The following ZC3H12B variants were observed in gnomAD, a reference collection of about 807,000 sequenced individuals.
ZC3H12B encodes the protein zinc finger CCCH-type containing 12B.
ZC3H12B carries 7 observed loss-of-function variants against 43.9 expected under a neutral mutation model. The ratio of observed to expected loss-of-function variants is 0.16; its 90% CI spans 0.09 to 0.30. The LOEUF (loss-of-function observed/expected upper bound fraction) is 0.30, where lower values mean the gene tolerates loss of function less well. ZC3H12B is among the 10% of genes least tolerant of loss of function. ZC3H12B has a pLI of 1.00. For missense variants in ZC3H12B, 475 were observed against 670.2 expected (o/e 0.71, Z 3.22); for synonymous variants, 222 against 241.7 (o/e 0.92, Z 0.76).
At chrX:65,104,110 C>A in the ZC3H12B span, among the ~76,000 whole-genome samples, 2 of 111,108 alleles carry the variant, frequency 1.8e-5, no homozygotes, top group South Asian at 7.6e-4. Context: ...TCAGAAATAA[C>A]ACCACACGTC....
chrX:65,218,915 C>T, the ZC3H12B span, among the ~76,000 whole-genome samples: 1 of 111,995 alleles, frequency 8.9e-6, no homozygotes, highest in Non-Finnish European at 1.9e-5. Flanking sequence ...CTCACAGAGT[C>T]CACTTCACTC....
chrX:65,267,286 C>T, the ZC3H12B span, among the ~76,000 whole-genome samples: 1 of 106,486 alleles, frequency 9.4e-6, no homozygotes, highest in African/African-American at 3.5e-5. Flanking sequence ...ACAGTATTCA[C>T]TGGCTACACA....
At chrX:65,092,624 G>T in the ZC3H12B span, among the ~76,000 whole-genome samples, 1 of 111,596 alleles carries the variant, frequency 9.0e-6, no homozygotes, top group Non-Finnish European at 1.9e-5. Context: ...TTTGAGCTTG[G>T]GAATGATGAT....
rs1433778197 is a variant in ZC3H12B at position 65,504,245 on chromosome X, T to C, written c.*1036T>C. 6 of 112,123 alleles carry C rather than the reference T, an allele frequency of 5.4e-5. No individual in the cohort carries two copies. The East Asian group carries it at 1.7e-3, about 32-fold the overall frequency. 9.2% of individuals were successfully genotyped at this position (112,123 alleles called of 1,213,427 possible). ...CTCTGTATAACCTTTTATATAGTGA[T>C]AATGAGAGGGTAGGCTCTACACAGT... On this transcript the variant is annotated 3_prime_UTR_variant, in exon 5 of 5. Transcript: ENST00000338957.
chrX:65,167,728 G>A, the ZC3H12B span, among the ~76,000 whole-genome samples: 5 of 111,764 alleles, frequency 4.5e-5, no homozygotes, highest in Non-Finnish European at 9.4e-5. Flanking sequence ...GCAGTGGTTT[G>A]TAGTTCTCCT....
At chrX:65,116,752 T>C in the ZC3H12B span, among the ~76,000 whole-genome samples, 1 of 109,607 alleles carries the variant, frequency 9.1e-6, no homozygotes, top group African/African-American at 3.3e-5. Context: ...TGTGTGATGT[T>C]CCCCACCCTG....
chrX:65,430,904 C>T (rs1043502405), intron 3 of ZC3H12B, among the ~76,000 whole-genome samples: 3 of 111,116 alleles, frequency 2.7e-5, no homozygotes, highest in Admixed American at 9.6e-5. Context: ...CCTAATCAGT[C>T]CCAATGCAAG....
the ZC3H12B span, among the ~76,000 whole-genome samples, chrX:65,350,526 G>C: frequency 1.8e-5 from 2 of 111,827 alleles, no homozygotes; most frequent in African/African-American, 6.5e-5. Flanking sequence ...AGGAAGAGAG[G>C]AAGTCAAATT....
At chrX:65,346,101 A>T in the ZC3H12B span, among the ~76,000 whole-genome samples, 1 of 111,633 alleles carries the variant, frequency 9.0e-6, no homozygotes, top group South Asian at 3.7e-4. Context: ...GTCATTTTTC[A>T]CAGAATAGAA....
chrX:65,312,286 G>A, the ZC3H12B span, among the ~76,000 whole-genome samples: 1 of 111,855 alleles, frequency 8.9e-6, no homozygotes, highest in Non-Finnish European at 1.9e-5. Context: ...GGAATGGTGA[G>A]TTGCATAAAG....
In ZC3H12B at chrX:65,372,426, G is replaced by A. The variant is rs139811369; in HGVS notation, n.295+3428G>A. Among the ~76,000 whole-genome samples, 5 of 108,777 alleles carry A rather than the reference G, an allele frequency of 4.6e-5. No homozygotes were observed. In the East Asian group the frequency reaches 1.2e-3, roughly 25 times the overall value. The allele number at this position is 108,777 out of a possible 115,157, so 94.5% of individuals were successfully genotyped here. ...ATCATGGGGCTTTCAGCCTGATTGC[G>A]GACATATTTTAAGAAAGGAGGGAGG... On this transcript the variant is annotated intron_variant and non_coding_transcript_variant, in intron 2 of 5. Transcript: ENST00000617377.
intron 2 of ZC3H12B, among the ~76,000 whole-genome samples, chrX:65,393,056 G>C (rs1182412464): frequency 2.7e-5 from 3 of 110,949 alleles, no homozygotes; most frequent in Non-Finnish European, 3.8e-5. Flanking sequence ...CAGCATGCTC[G>C]TTAAGAGTCA....
chrX:65,083,778 A>G, the ZC3H12B span, among the ~76,000 whole-genome samples: 4 of 112,022 alleles, frequency 3.6e-5, no homozygotes, highest in African/African-American at 1.3e-4. Flanking sequence ...TGGCATGACA[A>G]AAGACCCAGA....
At chrX:65,408,427 C>T (rs2066863025) in intron 3 of ZC3H12B, 2 of 1,207,634 alleles carry the variant, frequency 1.7e-6, no homozygotes, top group South Asian at 1.8e-5. Flanking sequence ...AACAGGTGAC[C>T]ATGGCAGAGT....
At chrX:65,436,194 G>A (rs767050669) in intron 3 of ZC3H12B, among the ~76,000 whole-genome samples, 1 of 111,913 alleles carries the variant, frequency 8.9e-6, no homozygotes, top group South Asian at 3.7e-4. Context: ...CAGATCTTGT[G>A]AGAATTCTGT....
chrX:65,247,940 C>T, the ZC3H12B span, among the ~76,000 whole-genome samples: 5 of 111,876 alleles, frequency 4.5e-5, no homozygotes, highest in Non-Finnish European at 7.5e-5. Context: ...TGCTAACATG[C>T]CTTAAAAACT....
chrX:65,399,465 T>A (rs1190299523), intron 3 of ZC3H12B, among the ~76,000 whole-genome samples: 1 of 111,764 alleles, frequency 8.9e-6, no homozygotes. Flanking sequence ...GAAATGCACA[T>A]CAAAACTGCA....
intron 3 of ZC3H12B, among the ~76,000 whole-genome samples, chrX:65,427,829 C>T (rs997470053): frequency 8.9e-6 from 1 of 111,851 alleles, no homozygotes; most frequent in African/African-American, 3.2e-5. Flanking sequence ...GGTTATTTTG[C>T]AGACTTGTTT....
the ZC3H12B span, among the ~76,000 whole-genome samples, chrX:65,132,094 G>A: frequency 9.0e-6 from 1 of 111,394 alleles, no homozygotes; most frequent in African/African-American, 3.3e-5. Flanking sequence ...AAGAGAGGCT[G>A]GGATGAGGGG....
Sources: allele counts gnomAD v4.1 joint callset (sites outside exome capture counted in the v4.1 genomes callset), GRCh38; gene constraint gnomAD v4.1.1; transcripts MANE v1.5; gene names NCBI Gene and HGNC (gene_info 2026-07-23, HGNC 2026-07-21).